OPA3: variants seen among roughly 807,000 people sequenced by gnomAD.
OPA3 encodes the protein outer mitochondrial membrane lipid metabolism regulator OPA3, also known as optic atrophy 3 protein.
In OPA3, 6 loss-of-function variants were observed where a neutral mutation model predicts 4.0. The observed-to-expected ratio is 1.51, with a 90% CI of 0.83 to 2.99. The LOEUF is 2.99. OPA3 is among the 30% of genes most tolerant of loss of function. The probability of loss-of-function intolerance (pLI) is 0.00; values close to 1 mark genes in which losing one functional copy is unlikely to be tolerated. For synonymous variants in OPA3, 105 were observed against 117.1 expected, an observed-to-expected ratio of 0.90 and a Z score of 0.67; for missense variants, 235 against 256.2, an observed-to-expected ratio of 0.92 and a Z score of 0.56.
chr19:45,573,409 C>T (rs540495081), intron 1 of OPA3, among the ~76,000 whole-genome samples: 5 of 152,152 alleles, frequency 3.3e-5, no homozygotes, highest in African/African-American at 1.2e-4. Flanking sequence ...TGAGATCACG[C>T]CACTGCACTC....
chr19:45,550,289 G>A lies in OPA3; in HGVS notation c.*3225C>T, dbSNP rs1969313178. On this transcript the variant is annotated 3_prime_UTR_variant, in exon 2 of 2. Coordinates refer to ENST00000263275, the MANE Select transcript of OPA3 (RefSeq NM_025136.4). ...TTAGAGAAGGGAGGTGAGGATGGAA[G>A]TCGGGGAAAGCCCGGCCCTCCCACT... The A allele has an allele frequency of 2.0e-6, 2 of 985,450 alleles. No homozygotes were observed. Among genetic ancestry groups the A allele is most frequent in the East Asian group, 1.1e-4 (1 of 8,836 alleles). 61.0% of individuals were successfully genotyped at this position (985,450 alleles called of 1,614,324 possible).
chr19:45,539,691 T>C (rs534564809), intron 1 of OPA3, among the ~76,000 whole-genome samples: 42 of 151,292 alleles, frequency 2.8e-4, no homozygotes, highest in African/African-American at 9.9e-4. Context: ...GGGGCTGAGG[T>C]TGCAGTGAGC....
Position 45,553,061 on chromosome 19 carries a change from C to T in OPA3, c.*453G>A. 9.5e-7 allele frequency: 1 copy of T among 1,055,538 alleles called. No homozygotes were observed. The highest frequency in any genetic ancestry group is 3.1e-5 in the South Asian group (1 of 32,438). The allele number at this position is 1,055,538 out of a possible 1,614,324, so 65.4% of individuals were successfully genotyped here. A position where few individuals can be genotyped will look rare whatever the true frequency, so the allele number is the denominator to read the frequency against. On this transcript the variant is annotated 3_prime_UTR_variant, in exon 2 of 2. Coordinates refer to ENST00000263275, the MANE Select transcript of OPA3 (RefSeq NM_025136.4). ...TGAGGGGGAGAAAAGGCCACTGCAACACACTGCATTTCCTTACAGTGGTCT... is the reference window on the plus strand; with the variant it reads ...TGAGGGGGAGAAAAGGCCACTGCAATACACTGCATTTCCTTACAGTGGTCT...
downstream of OPA3, among the ~76,000 whole-genome samples, chr19:45,541,900 GAA>G (rs1969189487): frequency 6.6e-6 from 1 of 152,142 alleles, no homozygotes. Flanking sequence ...TCAAGGATAC[GAA>G]GAGACCCCTA....
chr19:45,544,991 C>CA, downstream of OPA3, among the ~76,000 whole-genome samples: 1 of 144,258 alleles, frequency 6.9e-6, no homozygotes, highest in Admixed American at 6.9e-5. Context: ...CTCAAAAAAA[C>CA]AAAAACAAAA....
intron 1 of OPA3, among the ~76,000 whole-genome samples, chr19:45,535,770 T>TC (rs1969109889): frequency 1.3e-5 from 2 of 149,740 alleles, no homozygotes; most frequent in African/African-American, 2.4e-5. Flanking sequence ...TTCTTTTTTT[T>TC]TTTTTTTTTT....
intron 1 of OPA3, among the ~76,000 whole-genome samples, chr19:45,567,669 G>A (rs1969603973): frequency 6.6e-6 from 1 of 152,000 alleles, no homozygotes; most frequent in Admixed American, 6.6e-5. Context: ...TCTCAACAAA[G>A]AATATACCAA....
intron 1 of OPA3, among the ~76,000 whole-genome samples, chr19:45,580,419 G>A (rs1429942111): frequency 9.2e-5 from 13 of 141,346 alleles, no homozygotes; most frequent in Middle Eastern, 4.8e-3. Flanking sequence ...TCAGCCTCCC[G>A]AGTAGCTGGG....
At chr19:45,533,991 C>G (rs1462941208) in intron 1 of OPA3, among the ~76,000 whole-genome samples, 1 of 152,166 alleles carries the variant, frequency 6.6e-6, no homozygotes, top group African/African-American at 2.4e-5. Flanking sequence ...CAAACACACA[C>G]CTTTTGGCAT....
intron 1 of OPA3, among the ~76,000 whole-genome samples, chr19:45,537,156 G>A (rs768549621): frequency 2.6e-5 from 4 of 151,948 alleles, no homozygotes; most frequent in Admixed American, 1.3e-4. Flanking sequence ...ATGGGGTTTC[G>A]CCATGTTGGT....
Position 45,550,718 on chromosome 19 carries a change from C to T in OPA3, c.*2796G>A. 1 of 986,028 alleles carries T rather than the reference C, an allele frequency of 1.0e-6. No individual in the cohort carries two copies. Among genetic ancestry groups the T allele is most frequent in the Non-Finnish European group, 1.2e-6 (1 of 830,148 alleles). 61.1% of individuals were successfully genotyped at this position (986,028 alleles called of 1,614,324 possible). ...CAGTTTCCCTCCTGATTTTAATAAG[C>T]TCTGTACCCATTGTGGAGATCCACA... On this transcript the variant is annotated 3_prime_UTR_variant, in exon 2 of 2. Coordinates refer to ENST00000263275, the MANE Select transcript of OPA3 (RefSeq NM_025136.4).
chr19:45,574,905 T>C (rs564967696), intron 1 of OPA3, among the ~76,000 whole-genome samples: 30 of 152,176 alleles, frequency 2.0e-4, no homozygotes, highest in Admixed American at 1.7e-3. Context: ...AAAGACCACG[T>C]GGAGAAGAGA....
chr19:45,567,334 T>A (rs1969597740), intron 1 of OPA3, among the ~76,000 whole-genome samples: 1 of 135,218 alleles, frequency 7.4e-6, no homozygotes, highest in African/African-American at 3.0e-5. Flanking sequence ...GGGGAGACCC[T>A]GTGTCAAAAA....
At chr19:45,533,325 G>C (rs937202887) in intron 1 of OPA3, among the ~76,000 whole-genome samples, 1 of 152,026 alleles carries the variant, frequency 6.6e-6, no homozygotes, top group Non-Finnish European at 1.5e-5. Flanking sequence ...CTCCCGAGTA[G>C]CTGGGACTAC....
At chr19:45,532,760 A>G (rs540626352) in intron 1 of OPA3, among the ~76,000 whole-genome samples, 139 of 152,098 alleles carry the variant, frequency 9.1e-4, no homozygotes, top group African/African-American at 3.2e-3. Flanking sequence ...TTATTTTTTA[A>G]TAGAGATGGG....
chr19:45,571,037 CCTCT>C (rs553747389), intron 1 of OPA3, among the ~76,000 whole-genome samples: 250 of 150,564 alleles, frequency 1.7e-3, no homozygotes, highest in Non-Finnish European at 2.6e-3. Context: ...TCGTTTCATC[CCTCT>C]AATTTTTGTG....
intron 1 of OPA3, among the ~76,000 whole-genome samples, chr19:45,530,565 A>T (rs192073466): frequency 9.9e-5 from 15 of 151,916 alleles, no homozygotes; most frequent in Admixed American, 5.2e-4. Context: ...GCTGTAGTGC[A>T]GTGACACTAT....
intron 1 of OPA3, among the ~76,000 whole-genome samples, chr19:45,575,848 C>T (rs879647997): frequency 2.6e-5 from 4 of 152,200 alleles, no homozygotes; most frequent in Non-Finnish European, 4.4e-5. Context: ...TCAAGTGATC[C>T]TCCTGCCTCG....
downstream of OPA3, among the ~76,000 whole-genome samples, chr19:45,541,331 A>C (rs1969182986): frequency 6.6e-6 from 1 of 152,246 alleles, no homozygotes; most frequent in Admixed American, 6.5e-5. Context: ...GATTTTACAG[A>C]GCCCCCATGC....
Sources: allele counts gnomAD v4.1 joint callset (sites outside exome capture counted in the v4.1 genomes callset), GRCh38; gene constraint gnomAD v4.1.1; transcripts MANE v1.5; gene names NCBI Gene and HGNC (gene_info 2026-07-23, HGNC 2026-07-21).